CACNA1I: variants seen among roughly 807,000 people sequenced by gnomAD.
The protein encoded by CACNA1I is calcium voltage-gated channel subunit alpha1 I, also known as voltage-dependent T-type calcium channel subunit alpha-1I.
A neutral mutation model predicts 201.6 loss-of-function variants in CACNA1I; 74 were observed. That is an observed-to-expected ratio of 0.37 (90% CI 0.30 to 0.45). CACNA1I has a LOEUF of 0.45. CACNA1I is among the 20% of genes least tolerant of loss of function. CACNA1I has a pLI of 1.00. For missense variants in CACNA1I, 2,346 were observed against 3,138.1 expected (o/e 0.75, Z 6.03); for synonymous variants, 1,431 against 1,345.2 (o/e 1.06, Z -1.40).
intron 1 of CACNA1I, among the ~76,000 whole-genome samples, chr22:39,595,583 C>A (rs1205572951): frequency 3.3e-5 from 5 of 151,444 alleles, no homozygotes; most frequent in Non-Finnish European, 5.9e-5. Flanking sequence ...TGGGATCTTG[C>A]CATTGCACTC....
Position 39,677,511 on chromosome 22 carries a change from C to A in CACNA1I, c.4933+92C>A. Reference sequence around the variant, plus strand: ...GGGGGAGGCCTGAGACCCCTGAGCCCGTCACATCAGGGTCTTTGTATTGGG... The same window carrying A: ...GGGGGAGGCCTGAGACCCCTGAGCCAGTCACATCAGGGTCTTTGTATTGGG... On this transcript the variant is annotated intron_variant, in intron 30 of 36. Coordinates refer to ENST00000402142, the MANE Select transcript of CACNA1I (RefSeq NM_021096.4). The surrounding 1 kb of genome is among the most constrained non-coding windows in gnomAD (Gnocchi z 4.8). 1.2e-6 allele frequency: 1 copy of A among 864,220 alleles called. No homozygotes were observed. The highest frequency in any genetic ancestry group is 1.7e-5 in the African/African-American group (1 of 58,600). The allele number at this position is 864,220 out of a possible 1,614,324, so 53.5% of individuals were successfully genotyped here.
intron 3 of CACNA1I, among the ~76,000 whole-genome samples, chr22:39,606,993 A>G (rs1933239306): frequency 6.6e-6 from 1 of 152,176 alleles, no homozygotes; most frequent in Non-Finnish European, 1.5e-5. Flanking sequence ...TCCCCCAACC[A>G]GAAACAAAAT....
At position 39,684,738 on chromosome 22, in the gene CACNA1I, A is replaced by G. The variant is rs1253580565; in HGVS notation, c.6027+240A>G. On this transcript the variant is annotated intron_variant, in intron 36 of 36. Coordinates refer to ENST00000402142, the MANE Select transcript of CACNA1I (RefSeq NM_021096.4). This position sits in a 1 kb window ranked among gnomAD's most constrained non-coding sequence, Gnocchi z 4.6. The stretch of plus-strand genomic sequence containing the variant: ...ACAGCAGAGTGTGGGGAGGACCCCA[A>G]GGCGGGTCTGGAAGAGGCCTGTGAT... 5.0e-6 allele frequency: 3 copies of G among 601,990 alleles called. No individual in the cohort carries two copies. Among genetic ancestry groups the G allele is most frequent in the Non-Finnish European group, 8.9e-6 (3 of 338,764 alleles). 37.3% of individuals were successfully genotyped at this position (601,990 alleles called of 1,614,324 possible).
In CACNA1I at chr22:39,666,364, A is replaced by T. The variant is rs569461069; in HGVS notation, c.4104+358A>T. ...ACCTTCTGTAGGTGTGGCCTCCCTGAGCCTCAGTTTCCTCATCTATGAAAT... is the reference window on the plus strand; with the variant it reads ...ACCTTCTGTAGGTGTGGCCTCCCTGTGCCTCAGTTTCCTCATCTATGAAAT... On this transcript the variant is annotated intron_variant, in intron 23 of 36. Coordinates refer to ENST00000402142, the MANE Select transcript of CACNA1I (RefSeq NM_021096.4). The surrounding 1 kb of genome is among the most constrained non-coding windows in gnomAD (Gnocchi z 4.1). Among the ~76,000 whole-genome samples the T allele has an allele frequency of 3.9e-5, 6 of 151,998 alleles. No individual in the cohort carries two copies. The highest frequency in any genetic ancestry group is 3.9e-4 in the Admixed American group (6 of 15,288).
chr22:39,595,679 G>A (rs1312298639), intron 1 of CACNA1I, among the ~76,000 whole-genome samples: 1 of 151,998 alleles, frequency 6.6e-6, no homozygotes, highest in Non-Finnish European at 1.5e-5. Context: ...TATGAATGTG[G>A]TCATGCGGTC....
Position 39,570,957 on chromosome 22 carries a change from C to A in CACNA1I, c.205C>A (p.Arg69=). 1 of 1,613,740 alleles carries A rather than the reference C, an allele frequency of 6.2e-7. No homozygotes were observed. The highest frequency in any genetic ancestry group is 1.1e-5 in the South Asian group (1 of 91,066). ...FFCLRQTTSP[R]NWCIKMVCNP... ...CTGCCTGCGACAGACCACCAGCCCC[C>A]GGAACTGGTGCATCAAGATGGTGTG... The change falls in exon 1 of 37, where the codon CGG becomes AGG. Residue 69 remains arginine (R), a synonymous_variant. Transcript: ENST00000402142.
intron 4 of CACNA1I, among the ~76,000 whole-genome samples, chr22:39,628,002 A>G (rs900230646): frequency 1.3e-5 from 2 of 152,192 alleles, no homozygotes; most frequent in African/African-American, 4.8e-5. Context: ...ATTTGGGAAC[A>G]GGAAAGAGCA....
Position 39,686,104 on chromosome 22 carries a change from C to G in CACNA1I, c.6371C>G (p.Ser2124Trp). The change falls in exon 37 of 37, where the codon TCG (serine) becomes TGG (tryptophan). Residue 2124 changes from serine (S) to tryptophan (W), a missense_variant. This residue lies in a region of CACNA1I where 187 missense variants were observed against 151.0 expected (regional missense o/e 1.24). Transcript: ENST00000402142. ...AGGGGAGSEH[S>W]ETLSSLSLTS... is the part of the protein sequence containing the mutation. ...GGCGGGGGCGCGGGCAGCGAGCACTCGGAGACCCTCAGCAGCCTCTCGCTC... is the reference window on the plus strand; with the variant it reads ...GGCGGGGGCGCGGGCAGCGAGCACTGGGAGACCCTCAGCAGCCTCTCGCTC... 2.4e-6 allele frequency: 3 copies of G among 1,244,560 alleles called. No homozygotes were observed. The highest frequency in any genetic ancestry group is 3.3e-5 in the East Asian group (1 of 29,888). The allele number at this position is 1,244,560 out of a possible 1,614,324, so 77.1% of individuals were successfully genotyped here.
At chr22:39,602,862 G>A (rs1309863414) in intron 3 of CACNA1I, among the ~76,000 whole-genome samples, 1 of 152,006 alleles carries the variant, frequency 6.6e-6, no homozygotes, top group Non-Finnish European at 1.5e-5. Context: ...CTCAAGACTG[G>A]TGCTTTTGGC....
chr22:39,598,963 T>TTC (rs1932960138), intron 2 of CACNA1I, among the ~76,000 whole-genome samples: 1 of 143,546 alleles, frequency 7.0e-6, no homozygotes, highest in Non-Finnish European at 1.5e-5. Flanking sequence ...TTTTTTTTTT[T>TTC]TTGAGACAGA....
At chr22:39,652,607 T>C (rs1934683282) in intron 10 of CACNA1I, among the ~76,000 whole-genome samples, 1 of 152,124 alleles carries the variant, frequency 6.6e-6, no homozygotes, top group Admixed American at 6.5e-5. Context: ...AACGTTTGGG[T>C]TTCAATCCTG....
intron 1 of CACNA1I, among the ~76,000 whole-genome samples, chr22:39,581,209 G>GA (rs1218209906): frequency 6.6e-6 from 1 of 152,188 alleles, no homozygotes; most frequent in African/African-American, 2.4e-5. Flanking sequence ...GAGAGAGCGG[G>GA]AGGGGAGAAG....
chr22:39,676,587 C>T lies in CACNA1I; in HGVS notation c.4855-754C>T, dbSNP rs560475743. On this transcript the variant is annotated intron_variant, in intron 29 of 36. Transcript: ENST00000402142. This position sits in a 1 kb window ranked among gnomAD's most constrained non-coding sequence, Gnocchi z 4.8. ...TTTGAACTAGGTTTGGAATCTGGGACGCTTTCTCCCACAGGAGCTGTGGGA... is the reference window on the plus strand; with the variant it reads ...TTTGAACTAGGTTTGGAATCTGGGATGCTTTCTCCCACAGGAGCTGTGGGA... 4.6e-4 allele frequency among the ~76,000 whole-genome samples: 70 copies of T among 152,290 alleles called. No homozygotes were observed. Among genetic ancestry groups the T allele is most frequent in the Admixed American group, 1.9e-3 (29 of 15,304 alleles).
At chr22:39,590,728 C>T (rs1487332994) in intron 1 of CACNA1I, among the ~76,000 whole-genome samples, 1 of 152,224 alleles carries the variant, frequency 6.6e-6, no homozygotes, top group Non-Finnish European at 1.5e-5. Context: ...CTCCTGTGGC[C>T]TTAGTTTCCT....
In CACNA1I at chr22:39,677,847, T is replaced by A; in HGVS notation, c.4934-140T>A. 1.1e-6 allele frequency: 1 copy of A among 952,256 alleles called. No homozygotes were observed. The highest frequency in any genetic ancestry group is 2.8e-5 in the Admixed American group (1 of 35,750). 59.0% of individuals were successfully genotyped at this position (952,256 alleles called of 1,614,324 possible). The stretch of plus-strand genomic sequence containing the variant: ...ATGTGCCATCTCCCCGAGCCTCAGT[T>A]TATCTGTGGGCTGGGCACAGTCTGC... On this transcript the variant is annotated intron_variant, in intron 30 of 36. Coordinates refer to ENST00000402142, the MANE Select transcript of CACNA1I (RefSeq NM_021096.4). The surrounding 1 kb of genome is among the most constrained non-coding windows in gnomAD (Gnocchi z 4.8).
chr22:39,665,860 A>G lies in CACNA1I; in HGVS notation c.3979-21A>G, dbSNP rs370233778. 6.2e-7 allele frequency: 1 copy of G among 1,613,642 alleles called. No individual in the cohort carries two copies. The highest frequency in any genetic ancestry group is 8.5e-7 in the Non-Finnish European group (1 of 1,179,808). ...TGCAACCCTCACCTGTGAGAGCACC[A>G]ACCTCACCCCCTTTCCCCAGCTCTT... On this transcript the variant is annotated intron_variant, in intron 22 of 36. Coordinates refer to ENST00000402142, the MANE Select transcript of CACNA1I (RefSeq NM_021096.4). The surrounding 1 kb of genome is among the most constrained non-coding windows in gnomAD (Gnocchi z 5.5).
At chr22:39,595,426 C>T (rs1387241913) in intron 1 of CACNA1I, among the ~76,000 whole-genome samples, 1 of 151,948 alleles carries the variant, frequency 6.6e-6, no homozygotes, top group Non-Finnish European at 1.5e-5. Context: ...GAGTTCAAGA[C>T]CAGCCTGGCC....
At chr22:39,601,994 T>C (rs1283498215) in intron 3 of CACNA1I, among the ~76,000 whole-genome samples, 1 of 10,360 alleles carries the variant, frequency 9.7e-5, no homozygotes, top group African/African-American at 4.3e-4. Flanking sequence ...CCTTCCTTCC[T>C]TCCTTCCCTC....
Position 39,686,050 on chromosome 22 carries a change from C to T in CACNA1I, c.6317C>T (p.Ser2106Leu), listed in dbSNP as rs1382958295. ...GCTHHDSMDP[S>L]DEEGRGGAGG... ...ACCCACCACGACTCCATGGACCCCT[C>T]GGACGAGGAGGGCCGCGGTGGCGCG... Residue 2106 changes from serine to leucine, a missense_variant, in exon 37 of 37, where the codon TCG (serine) becomes TTG (leucine). Ser to Leu is a moderately radical substitution (Grantham distance 145, BLOSUM62 -2). This residue lies in a region of CACNA1I where 441 missense variants were observed against 555.6 expected (regional missense o/e 0.79). Coordinates refer to ENST00000402142, the MANE Select transcript of CACNA1I (RefSeq NM_021096.4). 7 of 1,235,292 alleles carry T rather than the reference C, an allele frequency of 5.7e-6. No homozygotes were observed. The highest frequency in any genetic ancestry group is 1.6e-5 in the African/African-American group (1 of 63,754). 76.5% of individuals were successfully genotyped at this position (1,235,292 alleles called of 1,614,324 possible).
Sources: allele counts gnomAD v4.1 joint callset (sites outside exome capture counted in the v4.1 genomes callset), GRCh38; gene constraint gnomAD v4.1.1; regional missense constraint gnomAD v4.1.1; non-coding constraint Gnocchi (gnomAD v3.1); transcripts MANE v1.5; gene names NCBI Gene and HGNC (gene_info 2026-07-23, HGNC 2026-07-21).